DNAH8: variants seen among roughly 807,000 people sequenced by gnomAD.
DNAH8 encodes axonemal beta dynein heavy chain 8.
DNAH8 carries 382 observed loss-of-function variants against 562.1 expected under a neutral mutation model. The observed-to-expected ratio is 0.68, with a 90% CI of 0.63 to 0.74. DNAH8 has a LOEUF of 0.74. Ranked by LOEUF, DNAH8 falls within the 30% of genes least tolerant of loss-of-function variation. The probability of loss-of-function intolerance (pLI) is 0.00; values close to 1 mark genes in which losing one functional copy is unlikely to be tolerated. For missense variants in DNAH8, 5,203 were observed against 5,620.4 expected (o/e 0.93, Z 2.37); for synonymous variants, 1,881 against 1,919.4 (o/e 0.98, Z 0.52).
In DNAH8 at chr6:38,921,420, G is replaced by A. The variant is rs199853566; in HGVS notation, c.10576G>A (p.Gly3526Arg). 1.2e-5 allele frequency: 20 copies of A among 1,613,798 alleles called. No individual in the cohort carries two copies. Among genetic ancestry groups the A allele is most frequent in the Non-Finnish European group, 1.6e-5 (19 of 1,179,866 alleles). ...GRLAVANAEL[G>R]KAQALLDEKQ... ...GTTAGCAGTTGCTAATGCTGAGTTA[G>A]GGAAGGCACAAGCCCTGCTGGATGA... The change falls in exon 71 of 93, where the codon GGG becomes AGG. Residue 3526 changes from glycine (G) to arginine (R), a missense_variant. By Grantham distance (125) the Gly-to-Arg change is moderately radical. Coordinates refer to ENST00000327475, the MANE Select transcript of DNAH8 (RefSeq NM_001206927.2).
At position 38,826,222 on chromosome 6, in the gene DNAH8, A is replaced by G; in HGVS notation, c.3914A>G (p.Asn1305Ser). ...AAGATGTTACTCTGTCGATATCTGAATGAAGAATACAAAAAGAAAATGTCA... is the reference window on the plus strand; with the variant it reads ...AAGATGTTACTCTGTCGATATCTGAGTGAAGAATACAAAAAGAAAATGTCA... ...AWKMLLCRYL[N>S]EEYKKKMSYM... Residue 1305 changes from asparagine to serine, a missense_variant, in exon 29 of 93, where the codon AAT (asparagine) becomes AGT (serine). By Grantham distance (46) the Asn-to-Ser change is conservative (BLOSUM62 1). This residue lies in a region of DNAH8 where 2,176 missense variants were observed against 2,365.1 expected (regional missense o/e 0.92). Coordinates refer to ENST00000327475, the MANE Select transcript of DNAH8 (RefSeq NM_001206927.2). 6.2e-7 allele frequency: 1 copy of G among 1,613,738 alleles called. No homozygotes were observed. Among genetic ancestry groups the G allele is most frequent in the Non-Finnish European group, 8.5e-7 (1 of 1,179,834 alleles).
chr6:38,864,206 A>G (rs1206894018), intron 45 of DNAH8, 146 bp downstream of exon 45: 3 of 774,352 alleles, frequency 3.9e-6, no homozygotes, highest in Admixed American at 6.7e-5. Context: ...TTATGTCATT[A>G]TAACCCAGAC....
At chr6:38,763,005 T>G (rs1766670727) in intron 11 of DNAH8, 1 of 403,348 alleles carries the variant, frequency 2.5e-6, no homozygotes, top group African/African-American at 2.1e-5. Context: ...CTTAGCCATG[T>G]AAGATACAAA....
intron 82 of DNAH8, among the ~76,000 whole-genome samples, chr6:38,954,019 G>A (rs1392497526): frequency 2.6e-5 from 4 of 151,960 alleles, no homozygotes; most frequent in Non-Finnish European, 5.9e-5. Flanking sequence ...CCAGCTACCC[G>A]AAAATAACAT....
chr6:39,027,917 C>G (rs550375025), intron 92 of DNAH8, among the ~76,000 whole-genome samples: 1 of 152,320 alleles, frequency 6.6e-6, no homozygotes, highest in East Asian at 1.9e-4. Flanking sequence ...TGTAGACTCT[C>G]AGTAAATCAG....
intron 35 of DNAH8, 45 bp downstream of exon 35, chr6:38,842,948 T>C: frequency 1.3e-6 from 2 of 1,588,886 alleles, no homozygotes; most frequent in South Asian, 1.1e-5. Flanking sequence ...TTAAAGAATG[T>C]CTGCTTTTTC....
intron 62 of DNAH8, 48 bp from the exon 63 acceptor site, chr6:38,906,206 C>A: frequency 1.5e-6 from 2 of 1,335,954 alleles, no homozygotes. Flanking sequence ...CGCGCCCAGC[C>A]GACTATATAT....
At chr6:38,897,007 G>A (rs1236980864) in intron 60 of DNAH8, among the ~76,000 whole-genome samples, 1 of 152,030 alleles carries the variant, frequency 6.6e-6, no homozygotes, top group African/African-American at 2.4e-5. Flanking sequence ...TGTGATTACA[G>A]GTGCTCGCTA....
At chr6:38,753,602 A>G (rs1174465031) in intron 9 of DNAH8, among the ~76,000 whole-genome samples, 2 of 152,170 alleles carry the variant, frequency 1.3e-5, no homozygotes, top group Non-Finnish European at 2.9e-5. Context: ...AAAGCTTTTT[A>G]TTATAAAAAG....
In DNAH8 at chr6:38,723,125, T is replaced by C; in HGVS notation, c.316T>C (p.Ser106Pro). 6.2e-7 allele frequency: 1 copy of C among 1,612,772 alleles called. No individual in the cohort carries two copies. Among genetic ancestry groups the C allele is most frequent in the Non-Finnish European group, 8.5e-7 (1 of 1,179,874 alleles). The change falls in exon 2 of 93, where the codon TCC becomes CCC. Residue 106 changes from serine (S) to proline (P), a missense_variant. By Grantham distance (74) the Ser-to-Pro change is moderately conservative. This residue lies in a region of DNAH8 where 556 missense variants were observed against 496.9 expected (regional missense o/e 1.12). Transcript: ENST00000327475. ...TTCGGAAGTGCTGTCCTTGCCGTCT[T>C]CCCGGAGGTCCTCCAGATACCGCCG... The part of the protein sequence containing the change: ...VISEVLSLPS[S>P]RRSSRYRRSM...
chr6:38,949,347 T>C (rs955535729), intron 80 of DNAH8, 105 bp from the exon 81 acceptor site: 1 of 753,356 alleles, frequency 1.3e-6, no homozygotes, highest in African/African-American at 1.7e-5. Context: ...GCTTGAAAAA[T>C]TATCTGCCTG....
chr6:38,944,751 A>G (rs566175487), intron 79 of DNAH8, among the ~76,000 whole-genome samples: 12 of 152,334 alleles, frequency 7.9e-5, no homozygotes, highest in African/African-American at 2.9e-4. Flanking sequence ...TCTGTGCTAT[A>G]TCCCCCAGTG....
At chr6:38,897,710 A>G (rs563182255) in intron 60 of DNAH8, among the ~76,000 whole-genome samples, 23 of 152,186 alleles carry the variant, frequency 1.5e-4, no homozygotes, top group Middle Eastern at 3.4e-3. Context: ...GAGCCAAGGA[A>G]GTCGAGGCTG....
chr6:38,808,851 A>G (rs1358452408), intron 24 of DNAH8, among the ~76,000 whole-genome samples: 1 of 152,188 alleles, frequency 6.6e-6, no homozygotes, highest in Non-Finnish European at 1.5e-5. Context: ...CAGAAAACCA[A>G]ACACCGCATG....
chr6:39,012,409 A>T (rs1320820035), intron 90 of DNAH8, 39 bp from the exon 91 acceptor site: 1 of 1,607,570 alleles, frequency 6.2e-7, no homozygotes, highest in African/African-American at 1.3e-5. Flanking sequence ...TTCTTTGTTG[A>T]TGTTTCTTAT....
At chr6:38,833,244 T>C (rs1228766897) in intron 31 of DNAH8, among the ~76,000 whole-genome samples, 1 of 99,726 alleles carries the variant, frequency 1.0e-5, no homozygotes, top group Non-Finnish European at 2.0e-5. Flanking sequence ...TATATAATGC[T>C]TTTTTTTTTA....
chr6:38,787,985 T>A (rs1014429689), intron 18 of DNAH8, among the ~76,000 whole-genome samples: 2 of 152,170 alleles, frequency 1.3e-5, no homozygotes, highest in Non-Finnish European at 2.9e-5. Context: ...AGCAAAAGAC[T>A]GGAGTCTAAC....
chr6:38,924,161 C>T lies in DNAH8; in HGVS notation c.10961C>T (p.Thr3654Ile), dbSNP rs899334468. The T allele has an allele frequency of 6.2e-6, 10 of 1,612,660 alleles. No individual in the cohort carries two copies. Among genetic ancestry groups the T allele is most frequent in the African/African-American group, 4.0e-5 (3 of 74,804 alleles). The change falls in exon 73 of 93, where the codon ACT becomes ATT. Residue 3654 changes from threonine (T) to isoleucine (I), a missense_variant and splice_region_variant. Around this residue, in one of 6 missense-constraint regions of DNAH8, gnomAD observed 1,399 missense variants for 1,518.4 expected, o/e 0.92. Coordinates refer to ENST00000327475, the MANE Select transcript of DNAH8 (RefSeq NM_001206927.2). ...ATTTCAATGTTGGTGGATCCTCCAA[C>T]TGTAAGTTTTACTTTCCCAATGTTA... is the stretch of plus-strand genomic sequence containing the variant. ...NLISMLVDPP[T>I]IGEWGLQGLP...
rs117329863 is a variant in DNAH8 at position 39,020,721 on chromosome 6, A to G, written c.13715-5825A>G. ...TGTGTGTGTTCCCTTCCCTGTGTCC[A>G]TGTGTTCTCATTGTTCAACTCTTAC... On this transcript the variant is annotated intron_variant, in intron 91 of 92. Coordinates refer to ENST00000327475, the MANE Select transcript of DNAH8 (RefSeq NM_001206927.2). Among the ~76,000 whole-genome samples the G allele has an allele frequency of 0.011, 1,692 of 152,088 alleles. 110 individuals carry two copies. The East Asian group carries it at 0.16, about 14-fold the overall frequency.
Sources: allele counts gnomAD v4.1 joint callset (sites outside exome capture counted in the v4.1 genomes callset), GRCh38; gene constraint gnomAD v4.1.1; regional missense constraint gnomAD v4.1.1; transcripts MANE v1.5; gene names NCBI Gene and HGNC (gene_info 2026-07-23, HGNC 2026-07-21).